SGCZ: variants seen among roughly 807,000 people sequenced by gnomAD.
The protein encoded by SGCZ is sarcoglycan zeta.
SGCZ carries 40 observed loss-of-function variants against 41.3 expected under a neutral mutation model. The ratio of observed to expected loss-of-function variants is 0.97; its 90% confidence interval spans 0.75 to 1.26. The LOEUF is 1.26. Among genes scored for constraint, SGCZ ranks in the 50% most tolerant of loss-of-function variants. The probability of loss-of-function intolerance (pLI) is 0.00; values close to 1 mark genes in which losing one functional copy is unlikely to be tolerated. For missense variants in SGCZ, 552 were observed against 369.8 expected (o/e 1.49, Z -4.04); for synonymous variants, 206 against 137.5 (o/e 1.50, Z -3.49).
At chr8:14,190,806 G>A (rs1805077495) in intron 4 of SGCZ, among the ~76,000 whole-genome samples, 1 of 151,938 alleles carries the variant, frequency 6.6e-6, no homozygotes, top group Non-Finnish European at 1.5e-5. Context: ...GTTTCACTGT[G>A]TTAGCCAGGA....
intron 1 of SGCZ, among the ~76,000 whole-genome samples, chr8:14,717,820 A>C (rs895267091): frequency 2.6e-5 from 4 of 152,058 alleles, no homozygotes; most frequent in African/African-American, 9.7e-5. Context: ...TTTCTTATTT[A>C]AAAATCACCT....
At chr8:14,411,847 C>T in intron 2 of SGCZ, among the ~76,000 whole-genome samples, 1 of 152,080 alleles carries the variant, frequency 6.6e-6, no homozygotes. Context: ...GTAAAAAACA[C>T]TTCCAAACAT....
intron 1 of SGCZ, among the ~76,000 whole-genome samples, chr8:14,608,960 G>GA (rs971115658): frequency 6.6e-6 from 1 of 152,020 alleles, no homozygotes; most frequent in Non-Finnish European, 1.5e-5. Flanking sequence ...AGAAGAATAC[G>GA]AAAAAAACCA....
chr8:14,970,031 T>C, intron 1 of SGCZ, among the ~76,000 whole-genome samples: 1 of 152,296 alleles, frequency 6.6e-6, no homozygotes, highest in East Asian at 1.9e-4. Context: ...ATCATTTTAA[T>C]TATAGTCATT....
intron 1 of SGCZ, among the ~76,000 whole-genome samples, chr8:15,119,914 A>T (rs1807415291): frequency 6.6e-6 from 1 of 152,200 alleles, no homozygotes; most frequent in African/African-American, 2.4e-5. Context: ...AGCTCAAGCC[A>T]TCCTCTTGCT....
chr8:14,752,193 A>T (rs965609626), intron 1 of SGCZ, among the ~76,000 whole-genome samples: 5 of 150,504 alleles, frequency 3.3e-5, no homozygotes, highest in Admixed American at 1.3e-4. Flanking sequence ...TTGCATCATT[A>T]AATCTCCTTT....
At chr8:14,401,004 G>A (rs1310739533) in intron 2 of SGCZ, among the ~76,000 whole-genome samples, 2 of 152,048 alleles carry the variant, frequency 1.3e-5, no homozygotes, top group African/African-American at 4.8e-5. Flanking sequence ...AGTGGAACAT[G>A]GTTTGGAAAC....
intron 1 of SGCZ, among the ~76,000 whole-genome samples, chr8:14,650,007 G>A (rs72607330): frequency 0.085 from 12,877 of 152,076 alleles, 1,252 homozygotes; most frequent in East Asian, 0.54. Flanking sequence ...TCCTTGCCAG[G>A]AAACTATAGT....
At chr8:14,490,971 C>A (rs1220452832) in intron 2 of SGCZ, among the ~76,000 whole-genome samples, 2 of 152,166 alleles carry the variant, frequency 1.3e-5, no homozygotes, top group African/African-American at 4.8e-5. Context: ...CGATATTCAT[C>A]AAAAATTAAA....
chr8:14,647,843 T>G (rs1040378973), intron 1 of SGCZ, among the ~76,000 whole-genome samples: 3 of 152,220 alleles, frequency 2.0e-5, no homozygotes, highest in South Asian at 2.1e-4. Context: ...TTCTCATCTG[T>G]AAGTTGAAGT....
At chr8:14,443,832 G>A (rs1373278888) in intron 2 of SGCZ, among the ~76,000 whole-genome samples, 1 of 152,106 alleles carries the variant, frequency 6.6e-6, no homozygotes, top group Non-Finnish European at 1.5e-5. Context: ...AAACTAAAGA[G>A]CTTCTGCACA....
At chr8:14,687,213 C>T (rs1345929058) in intron 1 of SGCZ, among the ~76,000 whole-genome samples, 2 of 146,792 alleles carry the variant, frequency 1.4e-5, no homozygotes, top group South Asian at 4.2e-4. Context: ...TATTATTATA[C>T]TTTAAGTTTT....
At chr8:14,709,053 A>G (rs796683909) in intron 1 of SGCZ, among the ~76,000 whole-genome samples, 1 of 152,166 alleles carries the variant, frequency 6.6e-6, no homozygotes, top group Non-Finnish European at 1.5e-5. Context: ...AAATATTTCA[A>G]CGAAATTATG....
intron 1 of SGCZ, among the ~76,000 whole-genome samples, chr8:14,899,494 G>C (rs1197926360): frequency 6.6e-6 from 1 of 152,156 alleles, no homozygotes; most frequent in African/African-American, 2.4e-5. Flanking sequence ...GCTAAACTTT[G>C]AACATGAGTA....
intron 1 of SGCZ, among the ~76,000 whole-genome samples, chr8:14,909,741 T>C (rs1799229208): frequency 6.6e-6 from 1 of 152,144 alleles, no homozygotes; most frequent in South Asian, 2.1e-4. Flanking sequence ...AGATGTTTAT[T>C]CAGCTATTTA....
At position 14,284,762 on chromosome 8, in the gene SGCZ, T is replaced by C. The variant is rs1474010836; in HGVS notation, c.336+39341A>G. Among the ~76,000 whole-genome samples, 5 of 152,280 alleles carry C rather than the reference T, an allele frequency of 3.3e-5. No homozygotes were observed. The East Asian group carries it at 7.7e-4, about 24-fold the overall frequency. On this transcript the variant is annotated intron_variant, in intron 3 of 7. Transcript: ENST00000382080. ...GAATTTTTTTTAATACTAGAGTGCA[T>C]ATTTGGTCCTAAGTTACTGTTGAAA... is the stretch of plus-strand genomic sequence containing the variant.
intron 1 of SGCZ, among the ~76,000 whole-genome samples, chr8:15,205,804 C>A (rs1162815425): frequency 6.6e-6 from 1 of 152,136 alleles, no homozygotes; most frequent in Non-Finnish European, 1.5e-5. Context: ...CATAAAGACA[C>A]ATGCACACAA....
chr8:14,726,816 A>G (rs1810071887), intron 1 of SGCZ, among the ~76,000 whole-genome samples: 1 of 152,174 alleles, frequency 6.6e-6, no homozygotes, highest in Admixed American at 6.5e-5. Flanking sequence ...GCAAATATTT[A>G]CAATCTGCCA....
At chr8:14,289,150 C>A (rs997427344) in intron 3 of SGCZ, among the ~76,000 whole-genome samples, 1 of 150,464 alleles carries the variant, frequency 6.6e-6, no homozygotes, top group African/African-American at 2.4e-5. Flanking sequence ...TACAGGGATT[C>A]TTTAATTATT....
Sources: gnomAD v4.1 joint callset for allele counts (sites outside exome capture counted in the v4.1 genomes callset) on GRCh38, gnomAD v4.1.1 for gene constraint, MANE v1.5 for transcripts, NCBI Gene and HGNC (gene_info 2026-07-23, HGNC 2026-07-21) for gene names.